The following CCBE1 variants were observed in gnomAD, a reference collection of about 807,000 sequenced individuals.
CCBE1 encodes the protein collagen and calcium binding EGF domains 1.
Under a neutral mutation model 50.0 loss-of-function variants are expected in CCBE1, and 37 were observed. The ratio of observed to expected loss-of-function variants is 0.74; its 90% CI spans 0.57 to 0.97. The LOEUF (loss-of-function observed/expected upper bound fraction) is 0.97. Ranked by LOEUF, CCBE1 falls within the 50% of genes least tolerant of loss-of-function variation. CCBE1 has a pLI of 0.00. For missense variants in CCBE1, 538 were observed against 523.8 expected (o/e 1.03, Z -0.26); for synonymous variants, 234 against 203.7 (o/e 1.15, Z -1.27).
intron 2 of CCBE1, among the ~76,000 whole-genome samples, chr18:59,665,390 G>C (rs1252027030): frequency 2.0e-5 from 3 of 152,120 alleles, no homozygotes; most frequent in Non-Finnish European, 2.9e-5. Context: ...TGGGAATTGT[G>C]GTAGAAGGAA....
In CCBE1 at chr18:59,435,787, G is replaced by C; in HGVS notation, c.*121C>G. 1 of 902,822 alleles carries C rather than the reference G, an allele frequency of 1.1e-6. No homozygotes were observed. 55.9% of individuals were successfully genotyped at this position (902,822 alleles called of 1,614,324 possible). A position where few individuals can be genotyped will look rare whatever the true frequency, so the allele number is the denominator to read the frequency against. On this transcript the variant is annotated 3_prime_UTR_variant, in exon 11 of 11. Transcript: ENST00000439986. ...GAAGAAGAGGAGTGGAGAGACGTCAGGAGAAGAGAAGAGAAAAATGTATGT... is the reference window on the plus strand; with the variant it reads ...GAAGAAGAGGAGTGGAGAGACGTCACGAGAAGAGAAGAGAAAAATGTATGT...
intron 2 of CCBE1, among the ~76,000 whole-genome samples, chr18:59,585,613 T>G (rs990499701): frequency 6.6e-6 from 1 of 152,216 alleles, no homozygotes; most frequent in African/African-American, 2.4e-5. Flanking sequence ...ATATCTTATT[T>G]TGTTAAGTAT....
intron 2 of CCBE1, among the ~76,000 whole-genome samples, chr18:59,632,895 C>T (rs1383065141): frequency 1.3e-5 from 2 of 152,160 alleles, no homozygotes; most frequent in East Asian, 3.8e-4. Flanking sequence ...AGGTGTGAGC[C>T]ACCGCGCCTG....
At chr18:59,444,228 C>T (rs1259417211) in intron 7 of CCBE1, among the ~76,000 whole-genome samples, 10 of 151,526 alleles carry the variant, frequency 6.6e-5, no homozygotes, top group Non-Finnish European at 1.2e-4. Flanking sequence ...TATGAAGATG[C>T]GTGTGTGAGT....
At chr18:59,608,355 C>G (rs2053528394) in intron 2 of CCBE1, among the ~76,000 whole-genome samples, 1 of 152,138 alleles carries the variant, frequency 6.6e-6, no homozygotes, top group Non-Finnish European at 1.5e-5. Flanking sequence ...CCCTTAGATC[C>G]CTACTTCCTA....
Position 59,433,165 on chromosome 18 carries a change from A to G in CCBE1, c.*2743T>C, listed in dbSNP as rs1178676009. On this transcript the variant is annotated 3_prime_UTR_variant, in exon 11 of 11. Transcript: ENST00000439986. ...TAGATAAAGAGCACCCCACCCTAAA[A>G]AGAAATTTTTTCTTTTTAAAAAGTC... 1.3e-5 allele frequency: 2 copies of G among 152,108 alleles called. No individual in the cohort carries two copies. The highest frequency in any genetic ancestry group is 6.5e-5 in the Admixed American group (1 of 15,270). 9.4% of individuals were successfully genotyped at this position (152,108 alleles called of 1,614,324 possible). A position where few individuals can be genotyped will look rare whatever the true frequency, so the allele number is the denominator to read the frequency against.
intron 2 of CCBE1, among the ~76,000 whole-genome samples, chr18:59,530,128 A>G (rs549691772): frequency 6.6e-6 from 1 of 152,090 alleles, no homozygotes; most frequent in African/African-American, 2.4e-5. Flanking sequence ...CCCCTTGTGG[A>G]TTCTGTGTGT....
intron 7 of CCBE1, among the ~76,000 whole-genome samples, chr18:59,443,516 G>A (rs1296728046): frequency 2.6e-5 from 4 of 151,340 alleles, no homozygotes. Context: ...ACCTAGGCTG[G>A]AGTGCAGTGG....
At chr18:59,541,894 T>C (rs984840235) in intron 2 of CCBE1, among the ~76,000 whole-genome samples, 1 of 151,682 alleles carries the variant, frequency 6.6e-6, no homozygotes, top group Non-Finnish European at 1.5e-5. Flanking sequence ...AAAATCTTTG[T>C]GGCCAAGCAT....
intron 2 of CCBE1, among the ~76,000 whole-genome samples, chr18:59,635,755 G>C (rs2053907901): frequency 6.6e-6 from 1 of 151,652 alleles, no homozygotes; most frequent in Non-Finnish European, 1.5e-5. Context: ...AAAAGCTCAA[G>C]ATAGGAAAGT....
chr18:59,607,608 A>G (rs926388390), intron 2 of CCBE1, among the ~76,000 whole-genome samples: 2 of 152,122 alleles, frequency 1.3e-5, no homozygotes, highest in African/African-American at 4.8e-5. Flanking sequence ...CCCTTCAGCT[A>G]CTCTCGGCAG....
At chr18:59,655,042 G>T (rs1369841706) in intron 2 of CCBE1, among the ~76,000 whole-genome samples, 1 of 141,130 alleles carries the variant, frequency 7.1e-6, no homozygotes, top group Non-Finnish European at 1.5e-5. Context: ...AACCAAGATC[G>T]CACCACTGCA....
At chr18:59,521,972 C>T (rs1367098783) in intron 2 of CCBE1, among the ~76,000 whole-genome samples, 2 of 152,294 alleles carry the variant, frequency 1.3e-5, no homozygotes, top group East Asian at 1.9e-4. Flanking sequence ...AATGCCTATA[C>T]ACAATAAACA....
intron 2 of CCBE1, among the ~76,000 whole-genome samples, chr18:59,687,387 C>A (rs1315619261): frequency 6.7e-6 from 1 of 149,198 alleles, no homozygotes; most frequent in Non-Finnish European, 1.5e-5. Context: ...CCGTAGGATC[C>A]TATTTCTGAA....
At chr18:59,492,844 T>G (rs1184495937) in intron 2 of CCBE1, among the ~76,000 whole-genome samples, 1 of 152,178 alleles carries the variant, frequency 6.6e-6, no homozygotes, top group Admixed American at 6.5e-5. Flanking sequence ...TTTGCCCCAG[T>G]AACAACTGTG....
chr18:59,451,034 G>T (rs1427258348), intron 6 of CCBE1, among the ~76,000 whole-genome samples: 1 of 152,104 alleles, frequency 6.6e-6, no homozygotes, highest in Non-Finnish European at 1.5e-5. Flanking sequence ...CTGACTGTTG[G>T]CCCCACTTCA....
chr18:59,547,047 G>GAGGGGGAGAGAGGGAGAGAGAGGGGGAC (rs1555690895), intron 2 of CCBE1, among the ~76,000 whole-genome samples: 1 of 58,474 alleles, frequency 1.7e-5, no homozygotes, highest in African/African-American at 7.9e-5. Context: ...GAGAGGGGGA[G>GAGGGGGAGAGAGGGAGAGAGAGGGGGAC]AGAGGGGGAG....
At chr18:59,538,200 G>T (rs977378137) in intron 2 of CCBE1, among the ~76,000 whole-genome samples, 2 of 152,326 alleles carry the variant, frequency 1.3e-5, no homozygotes, top group Admixed American at 6.5e-5. Flanking sequence ...TAGAGCGGGT[G>T]AGTTCATTCT....
intron 2 of CCBE1, among the ~76,000 whole-genome samples, chr18:59,580,306 C>T (rs559777983): frequency 6.6e-6 from 1 of 152,320 alleles, no homozygotes; most frequent in African/African-American, 2.4e-5. Context: ...AAGCCCCCTC[C>T]CTGCTTCAAG....
Sources: gnomAD v4.1 joint callset for allele counts (sites outside exome capture counted in the v4.1 genomes callset) on GRCh38, gnomAD v4.1.1 for gene constraint, MANE v1.5 for transcripts, NCBI Gene and HGNC (gene_info 2026-07-23, HGNC 2026-07-21) for gene names.